PIK3C2B: variants seen among roughly 807,000 people sequenced by gnomAD.
PIK3C2B encodes phosphatidylinositol 4-phosphate 3-kinase C2 domain-containing subunit beta.
PIK3C2B carries 83 observed loss-of-function variants against 184.3 expected under a neutral mutation model. The observed-to-expected ratio is 0.45, with a 90% CI of 0.38 to 0.54. The LOEUF (loss-of-function observed/expected upper bound fraction) is 0.54, where lower values mean the gene tolerates loss of function less well. Among genes scored for constraint, PIK3C2B ranks in the 20% least tolerant of loss-of-function variants. The pLI is 0.00. For synonymous variants in PIK3C2B, 779 were observed against 837.6 expected (o/e 0.93, Z 1.21); for missense variants, 1,736 against 2,113.5 (o/e 0.82, Z 3.50).
Position 204,460,052 on chromosome 1 carries a change from G to C in PIK3C2B, c.1503-111C>G, listed in dbSNP as rs61761720. ...TCAGCTCACACTCTGATTTAAAGGA[G>C]TTCCCACTCTTTCTATATGTCCTGT... On this transcript the variant is annotated intron_variant, in intron 7 of 32. Coordinates refer to ENST00000684373, the MANE Select transcript of PIK3C2B (RefSeq NM_001377334.1). 2,209 of 845,028 alleles carry C rather than the reference G, an allele frequency of 2.6e-3. 32 individuals are homozygous for C. The African/African-American group carries it at 0.032, about 12-fold the overall frequency. The allele number at this position is 845,028 out of a possible 1,614,324, so 52.3% of individuals were successfully genotyped here. A position where few individuals can be genotyped will look rare whatever the true frequency, so the allele number is the denominator to read the frequency against.
At chr1:204,427,876 T>C (rs1016693999) in intron 30 of PIK3C2B, 122 bp from the exon 31 acceptor site, 69 of 720,102 alleles carry the variant, frequency 9.6e-5, no homozygotes, top group South Asian at 4.8e-5. Context: ...GGCATCTACA[T>C]AAGTGTAGTC....
rs139339255 is a variant in PIK3C2B, at chr1:204,456,211, G to C, written c.1748-160C>G. On this transcript the variant is annotated intron_variant, in intron 10 of 32. Coordinates refer to ENST00000684373, the MANE Select transcript of PIK3C2B (RefSeq NM_001377334.1). Reference sequence around the variant, plus strand: ...AAAGTTCACCCATCTGCGGTAAAATGAGAAAAAAGCAGAAGCATGTCATGA... The same window carrying C: ...AAAGTTCACCCATCTGCGGTAAAATCAGAAAAAAGCAGAAGCATGTCATGA... The C allele has an allele frequency of 1.9e-3, 947 of 511,178 alleles. 7 individuals are homozygous for C. The highest frequency in any genetic ancestry group is 0.017 in the African/African-American group (857 of 51,652). 31.7% of individuals were successfully genotyped at this position (511,178 alleles called of 1,614,324 possible). A position where few individuals can be genotyped will look rare whatever the true frequency, so the allele number is the denominator to read the frequency against.
At chr1:204,481,444 A>G (rs1657138092) in intron 1 of PIK3C2B, among the ~76,000 whole-genome samples, 1 of 151,898 alleles carries the variant, frequency 6.6e-6, no homozygotes, top group Non-Finnish European at 1.5e-5. Flanking sequence ...TTTTTAGTAG[A>G]CACGGGGTTT....
chr1:204,444,286 T>C, intron 17 of PIK3C2B, 45 bp downstream of exon 17: 1 of 1,537,740 alleles, frequency 6.5e-7, no homozygotes, highest in Non-Finnish European at 9.0e-7. Flanking sequence ...CTTGGGATAC[T>C]GGGGATGGGA....
At chr1:204,440,378 G>A in intron 21 of PIK3C2B, 57 bp from the exon 22 acceptor site, 2 of 1,513,834 alleles carry the variant, frequency 1.3e-6, no homozygotes, top group Non-Finnish European at 1.8e-6. Flanking sequence ...CAGCTCTCAG[G>A]TCTCCCAAGT....
intron 1 of PIK3C2B, among the ~76,000 whole-genome samples, chr1:204,472,166 CT>C (rs71145091): frequency 3.2e-4 from 46 of 143,754 alleles, no homozygotes; most frequent in African/African-American, 4.3e-4. Context: ...ACTGGGGGAA[CT>C]TTTTTTTTTT....
At chr1:204,448,982 G>A (rs970355038) in intron 14 of PIK3C2B, among the ~76,000 whole-genome samples, 7 of 152,176 alleles carry the variant, frequency 4.6e-5, no homozygotes, top group Non-Finnish European at 7.3e-5. Flanking sequence ...TTAACCTCCA[G>A]GAGATGGGAG....
At chr1:204,467,870 G>T (rs961613399) in intron 2 of PIK3C2B, among the ~76,000 whole-genome samples, 1 of 148,260 alleles carries the variant, frequency 6.7e-6, no homozygotes, top group Non-Finnish European at 1.5e-5. Context: ...AGCCATGGGG[G>T]TGTCACTTGT....
chr1:204,455,522 C>T (rs1572343520), intron 11 of PIK3C2B, among the ~76,000 whole-genome samples: 1 of 152,008 alleles, frequency 6.6e-6, no homozygotes, highest in South Asian at 2.1e-4. Flanking sequence ...GGCCAGGGAG[C>T]GTGCACTCTA....
chr1:204,444,639 T>TGG (rs1433700882), intron 16 of PIK3C2B, among the ~76,000 whole-genome samples: 12 of 152,112 alleles, frequency 7.9e-5, no homozygotes, highest in Non-Finnish European at 1.5e-4. Context: ...CCTTGAGCCA[T>TGG]GGGGGAACAA....
intron 10 of PIK3C2B, 72 bp downstream of exon 10, chr1:204,456,964 GA>G: frequency 1.5e-6 from 2 of 1,319,030 alleles, no homozygotes; most frequent in Non-Finnish European, 1.1e-6. Context: ...GGCCCAGGCA[GA>G]AAAAGGAATC....
At chr1:204,427,875 A>T in intron 30 of PIK3C2B, 121 bp from the exon 31 acceptor site, 1 of 722,346 alleles carries the variant, frequency 1.4e-6, no homozygotes, top group Non-Finnish European at 2.5e-6. Flanking sequence ...AGGCATCTAC[A>T]TAAGTGTAGT....
chr1:204,445,894 C>T, intron 16 of PIK3C2B, 62 bp downstream of exon 16: 1 of 1,133,512 alleles, frequency 8.8e-7, no homozygotes, highest in Non-Finnish European at 1.2e-6. Context: ...CACTGATGGG[C>T]AGTGTCGTGC....
chr1:204,454,549 G>T (rs958913582), intron 12 of PIK3C2B, 120 bp downstream of exon 12: 8 of 988,660 alleles, frequency 8.1e-6, no homozygotes, highest in Non-Finnish European at 1.2e-5. Context: ...GTCCAGTTAG[G>T]GTTAACAAGG....
intron 9 of PIK3C2B, among the ~76,000 whole-genome samples, chr1:204,457,449 G>A (rs1278663123): frequency 1.3e-5 from 2 of 152,212 alleles, no homozygotes; most frequent in African/African-American, 4.8e-5. Flanking sequence ...TATGCAGACT[G>A]TCAGGCAATG....
intron 8 of PIK3C2B, among the ~76,000 whole-genome samples, chr1:204,459,319 G>C (rs1458325513): frequency 2.6e-5 from 4 of 152,208 alleles, no homozygotes; most frequent in Non-Finnish European, 5.9e-5. Context: ...ACTCAGCAAG[G>C]GATTATTTTT....
chr1:204,478,696 C>A (rs773826300), intron 1 of PIK3C2B, among the ~76,000 whole-genome samples: 1 of 152,164 alleles, frequency 6.6e-6, no homozygotes, highest in Admixed American at 6.5e-5. Flanking sequence ...CTAAAGCAGC[C>A]GCACATGGTC....
At chr1:204,440,416 G>T in intron 21 of PIK3C2B, 95 bp from the exon 22 acceptor site, 1 of 1,314,176 alleles carries the variant, frequency 7.6e-7, no homozygotes, top group East Asian at 2.6e-5. Flanking sequence ...AACTAACAGT[G>T]ACAGGGAGTT....
chr1:204,437,982 C>T (rs1321388940), intron 23 of PIK3C2B, among the ~76,000 whole-genome samples: 2 of 152,150 alleles, frequency 1.3e-5, no homozygotes, highest in African/African-American at 4.8e-5. Context: ...TGAGCTGGCA[C>T]AAGAAGAGTG....
Sources: gnomAD v4.1 joint callset for allele counts (sites outside exome capture counted in the v4.1 genomes callset) on GRCh38, gnomAD v4.1.1 for gene constraint, MANE v1.5 for transcripts, NCBI Gene and HGNC (gene_info 2026-07-23, HGNC 2026-07-21) for gene names.